TRMT10B: variants seen among roughly 807,000 people sequenced by gnomAD.
TRMT10B encodes tRNA methyltransferase 10 homolog B.
In TRMT10B, 33 loss-of-function variants were observed where a neutral mutation model predicts 43.8. The ratio of observed to expected loss-of-function variants is 0.75; its 90% CI spans 0.57 to 1.01. The LOEUF (loss-of-function observed/expected upper bound fraction) is 1.01, where lower values mean the gene tolerates loss of function less well. Among genes scored for constraint, TRMT10B ranks in the 50% least tolerant of loss-of-function variants. The pLI is 0.00. For missense variants in TRMT10B, 362 were observed against 369.8 expected (o/e 0.98, Z 0.17); for synonymous variants, 137 against 130.6 (o/e 1.05, Z -0.34).
chr9:37,772,896 C>G (rs1827735450), intron 7 of TRMT10B, among the ~76,000 whole-genome samples: 1 of 152,088 alleles, frequency 6.6e-6, no homozygotes, highest in Non-Finnish European at 1.5e-5. Flanking sequence ...TGTTTGAATT[C>G]TGTATTGAGA....
chr9:37,756,853 T>C (rs569579864), intron 1 of TRMT10B, among the ~76,000 whole-genome samples: 1,637 of 151,894 alleles, frequency 0.011, 26 homozygotes, highest in African/African-American at 0.037. Context: ...TGTGTATATA[T>C]ACACACACAC....
chr9:37,755,616 G>T (rs1825571835), intron 1 of TRMT10B, among the ~76,000 whole-genome samples: 2 of 150,076 alleles, frequency 1.3e-5, no homozygotes, highest in South Asian at 2.1e-4. Context: ...TACAAAAGAG[G>T]TGGGCCCCGC....
At chr9:37,757,019 T>TA (rs55811113) in intron 1 of TRMT10B, among the ~76,000 whole-genome samples, 6 of 151,830 alleles carry the variant, frequency 4.0e-5, no homozygotes, top group South Asian at 2.1e-4. Flanking sequence ...TTTTTTTTTT[T>TA]AATTTGTGAT....
At chr9:37,774,788 T>A (rs901318263) in intron 7 of TRMT10B, among the ~76,000 whole-genome samples, 2 of 152,234 alleles carry the variant, frequency 1.3e-5, no homozygotes, top group Admixed American at 6.5e-5. Context: ...TAGGTCCACT[T>A]CACACTATTC....
At chr9:37,767,466 T>C (rs963420583) in intron 4 of TRMT10B, 3 of 130,892 alleles carry the variant, frequency 2.3e-5, no homozygotes, top group Non-Finnish European at 3.1e-5. Context: ...TGAGCTATGA[T>C]TGTACCACTG....
At chr9:37,753,011 C>T (rs947285988), upstream of TRMT10B, among the ~76,000 whole-genome samples, 13 of 152,116 alleles carry the variant, frequency 8.5e-5, no homozygotes, top group East Asian at 5.8e-4. Flanking sequence ...CTATAACACT[C>T]GCCGTGAAGA....
intron 7 of TRMT10B, among the ~76,000 whole-genome samples, chr9:37,775,997 G>A (rs1387478110): frequency 6.6e-6 from 1 of 152,240 alleles, no homozygotes; most frequent in East Asian, 1.9e-4. Flanking sequence ...CTCAGAATGT[G>A]CTCTGATTGA....
intron 4 of TRMT10B, chr9:37,767,510 CT>C (rs1394974687): frequency 4.8e-4 from 1 of 2,070 alleles, no homozygotes; most frequent in Admixed American, 5.4e-3. Flanking sequence ...CAGACCCTGT[CT>C]CCAAAAAAAA....
intron 4 of TRMT10B, chr9:37,763,994 C>T: frequency 1.9e-6 from 1 of 532,086 alleles, no homozygotes; most frequent in Non-Finnish European, 3.2e-6. Flanking sequence ...TTAAGCCCAA[C>T]ATCTTTGCCT....
intron 4 of TRMT10B, among the ~76,000 whole-genome samples, 188 bp from the exon 5 acceptor site, chr9:37,767,888 T>G: frequency 6.6e-6 from 1 of 152,220 alleles, no homozygotes; most frequent in Non-Finnish European, 1.5e-5. Context: ...TCACTGTTTC[T>G]GGACTTGTAT....
intron 3 of TRMT10B, among the ~76,000 whole-genome samples, chr9:37,763,026 A>C (rs965620413): frequency 4.0e-5 from 6 of 150,226 alleles, no homozygotes; most frequent in Admixed American, 1.3e-4. Flanking sequence ...CTGTAGTCCC[A>C]GCTATATTTG....
At position 37,762,697 on chromosome 9, in the gene TRMT10B, T is replaced by A. The variant is rs1236940319; in HGVS notation, c.295+12T>A. ...TGCAGAAAATCCAGGTGACAATAAA[T>A]GAGACTGTTGGTATAATAATATTTA... On this transcript the variant is annotated intron_variant, in intron 3 of 8. Transcript: ENST00000297994. 2.6e-6 allele frequency: 4 copies of A among 1,563,958 alleles called. No individual in the cohort carries two copies. Among genetic ancestry groups the A allele is most frequent in the Non-Finnish European group, 3.5e-6 (4 of 1,154,428 alleles).
At chr9:37,768,904 A>G (rs945882320) in intron 5 of TRMT10B, among the ~76,000 whole-genome samples, 2 of 152,218 alleles carry the variant, frequency 1.3e-5, no homozygotes, top group African/African-American at 4.8e-5. Context: ...TCTTTTACAT[A>G]AGCCAAACAG....
chr9:37,770,802 T>C, intron 7 of TRMT10B, 63 bp downstream of exon 7: 1 of 1,551,848 alleles, frequency 6.4e-7, no homozygotes, highest in Non-Finnish European at 8.9e-7. Context: ...TAGAGGCATG[T>C]GCCCTGTTAT....
At chr9:37,768,985 G>A (rs1452151169) in intron 5 of TRMT10B, among the ~76,000 whole-genome samples, 1 of 151,978 alleles carries the variant, frequency 6.6e-6, no homozygotes, top group East Asian at 1.9e-4. Context: ...TCAGCTTTGA[G>A]TTCTTCTCCT....
intron 2 of TRMT10B, 147 bp from the exon 3 acceptor site, chr9:37,762,430 C>T: frequency 8.5e-7 from 1 of 1,180,852 alleles, no homozygotes; most frequent in Non-Finnish European, 1.2e-6. Context: ...AAACACGATC[C>T]AGTCTAGGTT....
Position 37,768,125 on chromosome 9 carries a change from A to G in TRMT10B, c.470A>G (p.Lys157Arg). 1 of 1,614,186 alleles carries G rather than the reference A, an allele frequency of 6.2e-7. No individual in the cohort carries two copies. The highest frequency in any genetic ancestry group is 8.5e-7 in the Non-Finnish European group (1 of 1,180,026). ...GQIRRLYGSN[K>R]KADRPFWICL... ...ATTCGAAGGTTGTATGGTTCAAACA[A>G]AAAAGCTGACAGGCCATTTTGGATC... The change falls in exon 5 of 9, where the codon AAA becomes AGA. Residue 157 changes from lysine to arginine, a missense_variant. Transcript: ENST00000297994.
Position 37,770,710 on chromosome 9 carries a change from G to A in TRMT10B, c.691G>A (p.Gly231Ser), listed in dbSNP as rs367875883. Residue 231 changes from glycine to serine, a missense_variant, in exon 7 of 9, where the codon GGT becomes AGT. Transcript: ENST00000297994. The part of the protein sequence containing the change: ...DVDLNKVYIL[G>S]GLVDESIQKK... ...TGATCTAAACAAAGTTTACATCCTC[G>A]GTGGGCTTGTGGATGAAAGCATTCA... 1.6e-5 allele frequency: 26 copies of A among 1,613,726 alleles called. No homozygotes were observed. The African/African-American group carries it at 2.3e-4, about 14-fold the overall frequency.
chr9:37,761,722 G>A (rs908948654), intron 1 of TRMT10B, among the ~76,000 whole-genome samples, 181 bp from the exon 2 acceptor site: 6 of 152,146 alleles, frequency 3.9e-5, no homozygotes, highest in African/African-American at 1.4e-4. Context: ...CCTTACTACT[G>A]AACTGTTTCT....
Sources: gnomAD v4.1 joint callset for allele counts (sites outside exome capture counted in the v4.1 genomes callset) on GRCh38, gnomAD v4.1.1 for gene constraint, MANE v1.5 for transcripts, NCBI Gene and HGNC (gene_info 2026-07-23, HGNC 2026-07-21) for gene names.